UBE2B: variants seen among roughly 807,000 people sequenced by gnomAD.
UBE2B encodes ubiquitin-conjugating enzyme E2 B.
Under a neutral mutation model 24.6 loss-of-function variants are expected in UBE2B, and 11 were observed. That is an observed-to-expected ratio of 0.45 (90% CI 0.28 to 0.74). UBE2B has a LOEUF of 0.74. Ranked by LOEUF, UBE2B falls within the 30% of genes least tolerant of loss-of-function variation. The probability of loss-of-function intolerance (pLI) is 0.13; values close to 1 mark genes in which losing one functional copy is unlikely to be tolerated. For synonymous variants in UBE2B, 68 were observed against 62.4 expected, an observed-to-expected ratio of 1.09 and a Z score of -0.42; for missense variants, 78 against 185.6, an observed-to-expected ratio of 0.42 and a Z score of 3.37.
At position 134,380,817 on chromosome 5, in the gene UBE2B, C is replaced by G; in HGVS notation, c.241+9C>G. On this transcript the variant is annotated intron_variant, in intron 4 of 5. Transcript: ENST00000265339. The stretch of plus-strand genomic sequence containing the variant: ...AATGTTTCATCCAAATGGTAAGTAG[C>G]ATTTTATAGATTTTGCAGATGATAG... 6.4e-7 allele frequency: 1 copy of G among 1,564,556 alleles called. No homozygotes were observed. The highest frequency in any genetic ancestry group is 8.8e-7 in the Non-Finnish European group (1 of 1,136,492).
chr5:134,384,957 C>T lies in UBE2B; in HGVS notation c.242-3368C>T, dbSNP rs34771626. Among the ~76,000 whole-genome samples, 1,133 of 152,272 alleles carry T rather than the reference C, an allele frequency of 7.4e-3. 36 individuals are homozygous for T. Among genetic ancestry groups the T allele is most frequent in the Admixed American group, 0.058 (891 of 15,292 alleles). ...TAAATGGAATCTTATACTATGTGGT[C>T]CTTTGTGACTGACTTCTGTCACCCA... On this transcript the variant is annotated intron_variant, in intron 4 of 5. Coordinates refer to ENST00000265339, the MANE Select transcript of UBE2B (RefSeq NM_003337.4).
intron 4 of UBE2B, among the ~76,000 whole-genome samples, chr5:134,387,092 TG>T (rs1758818100): frequency 6.6e-6 from 1 of 152,048 alleles, no homozygotes; most frequent in Admixed American, 6.6e-5. Flanking sequence ...CCTGAGTAGC[TG>T]GGACTACACG....
intron 4 of UBE2B, among the ~76,000 whole-genome samples, chr5:134,381,604 A>G (rs184542723): frequency 2.2e-4 from 33 of 152,148 alleles, no homozygotes; most frequent in African/African-American, 7.7e-4. Context: ...GACTCTTACA[A>G]AGCTTCCAAA....
Position 134,390,100 on chromosome 5 carries a change from T to G in UBE2B, c.331-125T>G. 7 of 1,183,546 alleles carry G rather than the reference T, an allele frequency of 5.9e-6. No homozygotes were observed. The highest frequency in any genetic ancestry group is 8.5e-6 in the Non-Finnish European group (7 of 822,126). The allele number at this position is 1,183,546 out of a possible 1,614,324, so 73.3% of individuals were successfully genotyped here. ...AAAAGTATTTAGACCCAAAATTATA[T>G]GACATGTTAATCTCTGAAGTAATTT... On this transcript the variant is annotated intron_variant, in intron 5 of 5. Coordinates refer to ENST00000265339, the MANE Select transcript of UBE2B (RefSeq NM_003337.4). The surrounding 1 kb of genome is among the most constrained non-coding windows in gnomAD (Gnocchi z 4.6).
chr5:134,379,090 T>C (rs1758657414), intron 3 of UBE2B, among the ~76,000 whole-genome samples: 1 of 152,176 alleles, frequency 6.6e-6, no homozygotes, highest in Non-Finnish European at 1.5e-5. Context: ...TTTGATAGTA[T>C]ATAATGGAAT....
intron 4 of UBE2B, among the ~76,000 whole-genome samples, chr5:134,383,472 G>GC: frequency 9.5e-6 from 1 of 105,244 alleles, no homozygotes; most frequent in Non-Finnish European, 1.8e-5. Flanking sequence ...ACCATACCCA[G>GC]CTTTTTTTTT....
At chr5:134,388,946 G>GTTTTTTTTTTTTTTT in intron 5 of UBE2B, 1 of 172,262 alleles carries the variant, frequency 5.8e-6, no homozygotes, top group Non-Finnish European at 9.9e-6. Flanking sequence ...TTCTTTAATT[G>GTTTTTTTTTTTTTTT]TTTTTTTTTT....
chr5:134,378,258 G>GT (rs1202467056), intron 3 of UBE2B, among the ~76,000 whole-genome samples: 4 of 151,652 alleles, frequency 2.6e-5, no homozygotes, highest in Admixed American at 2.6e-4. Context: ...TATCTATGTG[G>GT]GTTTTTTTTG....
intron 4 of UBE2B, among the ~76,000 whole-genome samples, chr5:134,383,473 CTTTTTTTTTTTTTTT>C (rs747399191): frequency 5.0e-5 from 4 of 80,032 alleles, no homozygotes; most frequent in Non-Finnish European, 7.1e-5. Flanking sequence ...CCATACCCAG[CTTTTTTTTTTTTTTT>C]TTTTTTTTTT....
chr5:134,379,066 C>T (rs1036622176), intron 3 of UBE2B, among the ~76,000 whole-genome samples: 2 of 152,020 alleles, frequency 1.3e-5, no homozygotes, highest in Admixed American at 1.3e-4. Context: ...GGTAGTGTTA[C>T]CTGTTGTGAT....
chr5:134,379,651 A>C (rs1758672045), intron 3 of UBE2B, among the ~76,000 whole-genome samples: 1 of 151,212 alleles, frequency 6.6e-6, no homozygotes, highest in African/African-American at 2.4e-5. Context: ...CTCAACAAAA[A>C]AAAAAAAAAA....
intron 1 of UBE2B, among the ~76,000 whole-genome samples, chr5:134,372,896 T>C (rs1363325615): frequency 1.3e-5 from 2 of 152,348 alleles, no homozygotes; most frequent in East Asian, 3.9e-4. Flanking sequence ...AGATGCCCTT[T>C]TTGGTGCAAA....
chr5:134,371,716 C>T, intron 1 of UBE2B, 77 bp downstream of exon 1: 1 of 1,597,032 alleles, frequency 6.3e-7, no homozygotes, highest in Non-Finnish European at 8.6e-7. Context: ...CAGACACCTT[C>T]CCCTTTGTGA....
At chr5:134,382,431 G>T (rs1432248791) in intron 4 of UBE2B, among the ~76,000 whole-genome samples, 1 of 152,106 alleles carries the variant, frequency 6.6e-6, no homozygotes, top group Admixed American at 6.6e-5. Flanking sequence ...TCTAGCCTGG[G>T]CAACAGAGCA....
intron 4 of UBE2B, among the ~76,000 whole-genome samples, chr5:134,387,812 TA>T (rs1197726703): frequency 2.6e-5 from 4 of 152,196 alleles, no homozygotes; most frequent in Non-Finnish European, 5.9e-5. Flanking sequence ...TTTTTACTTT[TA>T]TTTTTTTGAG....
At position 134,392,032 on chromosome 5, in the gene UBE2B, A is replaced by C. The variant is rs1172448212; in HGVS notation, c.*1679A>C. The C allele has an allele frequency of 6.6e-6, 1 of 152,190 alleles. No individual in the cohort carries two copies. The highest frequency in any genetic ancestry group is 6.5e-5 in the Admixed American group (1 of 15,272). The allele number at this position is 152,190 out of a possible 1,614,324, so 9.4% of individuals were successfully genotyped here. A position where few individuals can be genotyped will look rare whatever the true frequency, so the allele number is the denominator to read the frequency against. ...TATGATCTTAGGGAACTTTGATACA[A>C]ATGGGAATTCACTCACTGGAATCGT... On this transcript the variant is annotated 3_prime_UTR_variant, in exon 6 of 6. Transcript: ENST00000265339.
At chr5:134,375,856 T>G (rs1036774742) in intron 2 of UBE2B, among the ~76,000 whole-genome samples, 2 of 133,514 alleles carry the variant, frequency 1.5e-5, no homozygotes, top group Admixed American at 7.5e-5. Flanking sequence ...AAAGATGAAA[T>G]TGGGATGTGG....
intron 3 of UBE2B, among the ~76,000 whole-genome samples, chr5:134,379,451 GCCTGGC>G (rs1201592583): frequency 6.6e-6 from 1 of 152,008 alleles, no homozygotes; most frequent in Non-Finnish European, 1.5e-5. Flanking sequence ...TTCAAGACCA[GCCTGGC>G]CAACATGGTG....
At chr5:134,381,701 T>C (rs1758712370) in intron 4 of UBE2B, among the ~76,000 whole-genome samples, 1 of 152,202 alleles carries the variant, frequency 6.6e-6, no homozygotes, top group South Asian at 2.1e-4. Context: ...CTCAGCACTT[T>C]GGGAGGCCAA....
Sources: gnomAD v4.1 joint callset for allele counts (sites outside exome capture counted in the v4.1 genomes callset) on GRCh38, gnomAD v4.1.1 for gene constraint, Gnocchi (gnomAD v3.1) non-coding constraint, MANE v1.5 for transcripts, NCBI Gene and HGNC (gene_info 2026-07-23, HGNC 2026-07-21) for gene names.